Variants in IGF1R observed in about 807,000 individuals in gnomAD.
IGF1R encodes the protein insulin like growth factor 1 receptor.
In IGF1R, 44 loss-of-function variants were observed where a neutral mutation model predicts 144.6. The observed-to-expected ratio is 0.30, with a 90% CI of 0.24 to 0.39. The LOEUF is 0.39. IGF1R is among the 10% of genes least tolerant of loss of function. The probability of loss-of-function intolerance (pLI) is 1.00; values close to 1 mark genes in which losing one functional copy is unlikely to be tolerated. For missense variants in IGF1R, 1,355 were observed against 1,833.7 expected, an observed-to-expected ratio of 0.74 and a Z score of 4.77; for synonymous variants, 795 against 722.8, an observed-to-expected ratio of 1.10 and a Z score of -1.60.
chr15:98,922,078 C>T (rs2015512704), intron 10 of IGF1R, 70 bp from the exon 11 acceptor site: 1 of 1,547,928 alleles, frequency 6.5e-7, no homozygotes, highest in East Asian at 2.2e-5. Flanking sequence ...TTCTGTTACT[C>T]TTACTCAAGT....
At chr15:98,895,248 AC>A in intron 3 of IGF1R, among the ~76,000 whole-genome samples, 1 of 151,366 alleles carries the variant, frequency 6.6e-6, no homozygotes, top group Admixed American at 6.6e-5. Flanking sequence ...ACACACACAC[AC>A]ACACACACAC....
chr15:98,743,890 G>C (rs1001404554), intron 2 of IGF1R, among the ~76,000 whole-genome samples: 2 of 152,100 alleles, frequency 1.3e-5, no homozygotes, highest in African/African-American at 4.8e-5. Context: ...CTGTGTTGGG[G>C]GTGGGCTTGT....
chr15:98,735,586 C>T (rs916924385), intron 2 of IGF1R, among the ~76,000 whole-genome samples: 4 of 152,172 alleles, frequency 2.6e-5, no homozygotes, highest in South Asian at 2.1e-4. Context: ...ATGAGGTTCC[C>T]GGCCTCAGTA....
At chr15:98,880,484 TTAAG>T (rs1283523636) in intron 2 of IGF1R, among the ~76,000 whole-genome samples, 2 of 152,222 alleles carry the variant, frequency 1.3e-5, no homozygotes, top group Non-Finnish European at 2.9e-5. Flanking sequence ...TGCTCATTAA[TTAAG>T]TGTTCACAGA....
intron 1 of IGF1R, among the ~76,000 whole-genome samples, chr15:98,654,712 CCA>C (rs1289188813): frequency 6.6e-6 from 1 of 152,176 alleles, no homozygotes; most frequent in East Asian, 1.9e-4. Flanking sequence ...CTTTTCTTAG[CCA>C]GCTTAGGACA....
intron 1 of IGF1R, among the ~76,000 whole-genome samples, chr15:98,680,214 C>G (rs2053155180): frequency 6.6e-6 from 1 of 151,994 alleles, no homozygotes; most frequent in African/African-American, 2.4e-5. Context: ...CCCGAGGGAG[C>G]AACTTCCAGT....
rs559353773 is a variant in IGF1R, at chr15:98,724,183, T to G, written c.640+16076T>G. ...CCAGATAATCATTAACTTTTTCTAT[T>G]GTGTGCCACCCTTCCCAACCAGATT... On this transcript the variant is annotated intron_variant, in intron 2 of 20. Coordinates refer to ENST00000650285, the MANE Select transcript of IGF1R (RefSeq NM_000875.5). Among the ~76,000 whole-genome samples the G allele has an allele frequency of 2.0e-5, 3 of 152,358 alleles. No individual in the cohort carries two copies. The South Asian group carries it at 6.2e-4, about 32-fold the overall frequency.
At chr15:98,734,141 A>G (rs1205357214) in intron 2 of IGF1R, among the ~76,000 whole-genome samples, 2 of 152,134 alleles carry the variant, frequency 1.3e-5, no homozygotes, top group African/African-American at 4.8e-5. Context: ...GTTGCACTGT[A>G]ATTTCTCAGG....
At chr15:98,728,946 A>G (rs1218503080) in intron 2 of IGF1R, among the ~76,000 whole-genome samples, 1 of 152,244 alleles carries the variant, frequency 6.6e-6, no homozygotes, top group African/African-American at 2.4e-5. Context: ...TCTCAGCTAC[A>G]CGACTGTGGA....
chr15:98,805,394 T>A (rs996814607), intron 2 of IGF1R, among the ~76,000 whole-genome samples: 16 of 152,182 alleles, frequency 1.1e-4, no homozygotes, highest in Admixed American at 1.0e-3. Context: ...TTCCCTGAAG[T>A]GTGTACCCTG....
intron 2 of IGF1R, among the ~76,000 whole-genome samples, chr15:98,846,130 C>T (rs1224622190): frequency 1.3e-5 from 2 of 152,176 alleles, no homozygotes; most frequent in Non-Finnish European, 2.9e-5. Context: ...ATACATTTCT[C>T]CCCATTTCAT....
chr15:98,671,788 T>A (rs2052899749), intron 1 of IGF1R, among the ~76,000 whole-genome samples: 1 of 152,112 alleles, frequency 6.6e-6, no homozygotes, highest in Non-Finnish European at 1.5e-5. Context: ...AAAGAAAAAA[T>A]AAATAGCAAA....
chr15:98,724,079 T>C (rs547102441), intron 2 of IGF1R, among the ~76,000 whole-genome samples: 94 of 152,342 alleles, frequency 6.2e-4, no homozygotes, highest in Admixed American at 8.5e-4. Context: ...TTACATTTCT[T>C]CTAGGACTTT....
chr15:98,834,958 A>G lies in IGF1R; in HGVS notation c.641-56367A>G, dbSNP rs541865249. Among the ~76,000 whole-genome samples the G allele has an allele frequency of 5.9e-5, 9 of 152,238 alleles. No individual in the cohort carries two copies. The South Asian group carries it at 1.7e-3, about 28-fold the overall frequency. ...CGCCCAGACACCCAGATGCTTCTCT[A>G]TGTTTGTAAGATGGCGAGTGTTGAG... On this transcript the variant is annotated intron_variant, in intron 2 of 20. Coordinates refer to ENST00000650285, the MANE Select transcript of IGF1R (RefSeq NM_000875.5).
At chr15:98,744,948 C>T (rs1206451943) in intron 2 of IGF1R, among the ~76,000 whole-genome samples, 1 of 152,140 alleles carries the variant, frequency 6.6e-6, no homozygotes, top group Non-Finnish European at 1.5e-5. Context: ...GGCTCCTTTC[C>T]TCCTGTTCTG....
At chr15:98,885,762 G>A (rs1037066269) in intron 2 of IGF1R, among the ~76,000 whole-genome samples, 1 of 151,640 alleles carries the variant, frequency 6.6e-6, no homozygotes, top group Non-Finnish European at 1.5e-5. Context: ...AATATTGTAT[G>A]GCCAGGTGGC....
At chr15:98,824,538 C>G (rs755548994) in intron 2 of IGF1R, among the ~76,000 whole-genome samples, 3 of 152,202 alleles carry the variant, frequency 2.0e-5, no homozygotes, top group Admixed American at 2.0e-4. Flanking sequence ...AACCATTAGA[C>G]TCAGCTTTCC....
At chr15:98,802,312 C>T (rs1278353001) in intron 2 of IGF1R, among the ~76,000 whole-genome samples, 2 of 152,142 alleles carry the variant, frequency 1.3e-5, no homozygotes, top group South Asian at 2.1e-4. Context: ...ACATGTTGTA[C>T]GTCATCTCTG....
intron 1 of IGF1R, among the ~76,000 whole-genome samples, chr15:98,674,842 T>G (rs1177964175): frequency 6.6e-6 from 1 of 152,100 alleles, no homozygotes; most frequent in Non-Finnish European, 1.5e-5. Context: ...AAAAATGAAA[T>G]TAGTAGTATA....
Sources: gnomAD v4.1 joint callset for allele counts (sites outside exome capture counted in the v4.1 genomes callset) on GRCh38, gnomAD v4.1.1 for gene constraint, MANE v1.5 for transcripts, NCBI Gene and HGNC (gene_info 2026-07-23, HGNC 2026-07-21) for gene names.